Variants in LRP1B observed in about 807,000 individuals in gnomAD.
LRP1B encodes LDL receptor related protein 1B.
Under a neutral mutation model 556.6 loss-of-function variants are expected in LRP1B, and 217 were observed. The ratio of observed to expected loss-of-function variants is 0.39; its 90% CI spans 0.35 to 0.44. LRP1B has a LOEUF of 0.44. LRP1B is among the 20% of genes least tolerant of loss of function. The probability of loss-of-function intolerance (pLI) is 1.00; values close to 1 mark genes in which losing one functional copy is unlikely to be tolerated. For missense variants in LRP1B, 5,053 were observed against 5,620.8 expected (o/e 0.90, Z 3.23); for synonymous variants, 2,047 against 1,865.8 (o/e 1.10, Z -2.50).
In LRP1B at chr2:140,559,086, A is replaced by C. The variant is rs920398900; in HGVS notation, c.7195-17115T>G. Among the ~76,000 whole-genome samples, 53 of 152,184 alleles carry C rather than the reference A, an allele frequency of 3.5e-4. 1 individual carries two copies. Among genetic ancestry groups the C allele is most frequent in the Non-Finnish European group, 7.4e-5 (5 of 68,026 alleles). The stretch of plus-strand genomic sequence containing the variant: ...AGATAATAGTCTTGCAAAAATATCT[A>C]ATTGGTTTATAGATCTAACTGACAT... On this transcript the variant is annotated intron_variant, in intron 43 of 90. Transcript: ENST00000389484.
At chr2:141,019,895 A>G (rs919023084) in intron 12 of LRP1B, 27 bp downstream of exon 12, 6 of 1,473,122 alleles carry the variant, frequency 4.1e-6, no homozygotes, top group Non-Finnish European at 5.5e-6. Context: ...CATTTTTCTT[A>G]TATAAAGCTA....
chr2:140,238,806 G>A (rs1040027469), intron 88 of LRP1B, among the ~76,000 whole-genome samples: 3 of 150,724 alleles, frequency 2.0e-5, no homozygotes, highest in African/African-American at 4.9e-5. Context: ...TACCCATTAG[G>A]TAATTTCTCA....
chr2:140,428,524 C>T (rs1367358361), intron 66 of LRP1B, among the ~76,000 whole-genome samples: 1 of 152,182 alleles, frequency 6.6e-6, no homozygotes, highest in Non-Finnish European at 1.5e-5. Context: ...CTGTTCAACT[C>T]ACCTGGCAGC....
intron 3 of LRP1B, among the ~76,000 whole-genome samples, chr2:141,466,764 G>A (rs76226225): frequency 0.012 from 1,876 of 152,070 alleles, 33 homozygotes; most frequent in African/African-American, 0.041. Flanking sequence ...TGGGACCCGA[G>A]TCACATACGG....
intron 2 of LRP1B, among the ~76,000 whole-genome samples, chr2:141,561,423 A>G (rs1686143620): frequency 6.6e-6 from 1 of 151,856 alleles, no homozygotes; most frequent in South Asian, 2.1e-4. Context: ...TAAAAGTTAA[A>G]CAGGAAACTA....
At chr2:141,887,348 C>T (rs2104906061) in intron 1 of LRP1B, among the ~76,000 whole-genome samples, 1 of 152,192 alleles carries the variant, frequency 6.6e-6, no homozygotes, top group East Asian at 1.9e-4. Context: ...TTGGAATGAA[C>T]AGGAATGGCA....
chr2:140,956,911 A>T (rs971382946), intron 18 of LRP1B, among the ~76,000 whole-genome samples: 1 of 151,710 alleles, frequency 6.6e-6, no homozygotes, highest in Non-Finnish European at 1.5e-5. Flanking sequence ...TTGGTTCAAG[A>T]TATTTAACTG....
intron 2 of LRP1B, among the ~76,000 whole-genome samples, chr2:141,498,356 C>CTTTTTTTTT: frequency 6.9e-6 from 1 of 144,090 alleles, no homozygotes; most frequent in Non-Finnish European, 1.5e-5. Context: ...CTTTAAAATC[C>CTTTTTTTTT]TTTTTTTTTT....
intron 41 of LRP1B, among the ~76,000 whole-genome samples, chr2:140,604,270 T>C (rs562003041): frequency 1.8e-4 from 27 of 151,894 alleles, no homozygotes; most frequent in East Asian, 1.6e-3. Flanking sequence ...TACCCACTTT[T>C]GAGCAGGGAA....
intron 41 of LRP1B, among the ~76,000 whole-genome samples, chr2:140,657,600 T>C (rs912830217): frequency 3.6e-4 from 39 of 109,052 alleles, no homozygotes; most frequent in East Asian, 2.2e-3. Context: ...CATACATATA[T>C]ATACATATAT....
intron 20 of LRP1B, among the ~76,000 whole-genome samples, chr2:140,936,598 G>C (rs1004370718): frequency 2.0e-5 from 3 of 151,790 alleles, no homozygotes; most frequent in African/African-American, 4.8e-5. Context: ...GTGTATAAAG[G>C]AATAAAAATC....
intron 2 of LRP1B, among the ~76,000 whole-genome samples, chr2:141,682,755 A>G (rs1015994989): frequency 2.0e-5 from 3 of 152,166 alleles, no homozygotes; most frequent in Non-Finnish European, 4.4e-5. Context: ...GAACAAAAGA[A>G]CTGCTTATCT....
rs368388053 is a variant in LRP1B at position 141,865,008 on chromosome 2, T to G, written c.83-54607A>C. Among the ~76,000 whole-genome samples, 26 of 152,318 alleles carry G rather than the reference T, an allele frequency of 1.7e-4. No homozygotes were observed. The East Asian group carries it at 1.9e-3, about 11-fold the overall frequency. On this transcript the variant is annotated intron_variant, in intron 1 of 90. Transcript: ENST00000389484. ...ATATTTGCAGTGTTTATAGGTCACT[T>G]TCTTTTTGCTAATGAAATTCTGGAT...
At chr2:142,103,646 CA>C (rs1706643073) in intron 1 of LRP1B, among the ~76,000 whole-genome samples, 1 of 151,946 alleles carries the variant, frequency 6.6e-6, no homozygotes, top group Non-Finnish European at 1.5e-5. Flanking sequence ...AATGAAATGA[CA>C]AAAGGGCATT....
intron 1 of LRP1B, among the ~76,000 whole-genome samples, chr2:141,926,873 A>AAGG (rs1700348152): frequency 2.0e-5 from 3 of 152,046 alleles, no homozygotes; most frequent in Admixed American, 2.0e-4. Context: ...AAGGTGAACT[A>AAGG]TTTTTTTCTT....
chr2:141,995,237 T>C (rs1702455812), intron 1 of LRP1B, among the ~76,000 whole-genome samples: 1 of 152,160 alleles, frequency 6.6e-6, no homozygotes, highest in South Asian at 2.1e-4. Flanking sequence ...AATCAAGGTG[T>C]CTGCAGTGCT....
rs187024843 is a variant in LRP1B at position 140,891,289 on chromosome 2, A to C, written c.3767-4954T>G. 1.7e-4 allele frequency among the ~76,000 whole-genome samples: 26 copies of C among 152,256 alleles called. No individual in the cohort carries two copies. The East Asian group carries it at 5.0e-3, about 29-fold the overall frequency. On this transcript the variant is annotated intron_variant, in intron 23 of 90. Coordinates refer to ENST00000389484, the MANE Select transcript of LRP1B (RefSeq NM_018557.3). Reference sequence around the variant, plus strand: ...TCTTTTAGTCCCACTACAGATTTGCAGAATGATTTTTATCAGACAGACTAT... The same window carrying C: ...TCTTTTAGTCCCACTACAGATTTGCCGAATGATTTTTATCAGACAGACTAT...
intron 1 of LRP1B, among the ~76,000 whole-genome samples, chr2:141,909,694 T>A (rs1234473006): frequency 2.6e-5 from 4 of 151,924 alleles, no homozygotes; most frequent in African/African-American, 9.7e-5. Flanking sequence ...GGGAAAAACA[T>A]AATAACTACT....
At chr2:142,080,044 T>A (rs993247643) in intron 1 of LRP1B, among the ~76,000 whole-genome samples, 37 of 152,128 alleles carry the variant, frequency 2.4e-4, no homozygotes, top group African/African-American at 8.9e-4. Flanking sequence ...GATTTTGGGT[T>A]ATTGTTAACA....
Sources: gnomAD v4.1 joint callset for allele counts (sites outside exome capture counted in the v4.1 genomes callset) on GRCh38, gnomAD v4.1.1 for gene constraint, MANE v1.5 for transcripts, NCBI Gene and HGNC (gene_info 2026-07-23, HGNC 2026-07-21) for gene names.